The following MAML2 variants were observed in gnomAD, a reference collection of about 807,000 sequenced individuals.
MAML2 encodes mastermind like transcriptional coactivator 2.
In MAML2, 22 loss-of-function variants were observed where a neutral mutation model predicts 96.1. The observed-to-expected ratio is 0.23, with a 90% confidence interval of 0.16 to 0.33. The LOEUF (loss-of-function observed/expected upper bound fraction) is 0.33. Ranked by LOEUF, MAML2 falls within the 10% of genes least tolerant of loss-of-function variation. MAML2 has a pLI of 1.00. For synonymous variants in MAML2, 561 were observed against 521.3 expected (o/e 1.08, Z -1.04); for missense variants, 1,367 against 1,392.4 (o/e 0.98, Z 0.29).
intron 2 of MAML2, among the ~76,000 whole-genome samples, chr11:96,026,792 C>A (rs1858528593): frequency 7.1e-6 from 1 of 140,498 alleles, no homozygotes; most frequent in African/African-American, 2.7e-5. Context: ...ATGAGAAGGA[C>A]TAAGATGGTC....
intron 1 of MAML2, among the ~76,000 whole-genome samples, chr11:96,323,152 T>C (rs1863730235): frequency 6.6e-6 from 1 of 151,602 alleles, no homozygotes; most frequent in Non-Finnish European, 1.5e-5. Context: ...GGAACTTATC[T>C]TATTCACCAC....
chr11:96,169,444 C>A (rs1861246194), intron 1 of MAML2, among the ~76,000 whole-genome samples: 1 of 152,182 alleles, frequency 6.6e-6, no homozygotes. Flanking sequence ...GATGGGCAAC[C>A]CAGGAGGTGG....
At chr11:95,989,379 C>A (rs1857876017) in intron 3 of MAML2, among the ~76,000 whole-genome samples, 1 of 152,224 alleles carries the variant, frequency 6.6e-6, no homozygotes, top group African/African-American at 2.4e-5. Context: ...ACAGTTTATG[C>A]CACTGCCCTT....
chr11:95,979,563 T>C lies in MAML2; in HGVS notation c.2856A>G (p.Thr952=). ...TGTTGGATGTGATCATTACGTTTGA[T>C]GTTCTCTGTGGTGGCATGCTTGCCA... The part of the protein sequence containing the change: ...HSMASMPPQR[T]SNVMITSNTT... The change falls in exon 5 of 5, where the codon ACA becomes ACG. Residue 952 remains threonine, a synonymous_variant. Transcript: ENST00000524717. 1 of 1,613,950 alleles carries C rather than the reference T, an allele frequency of 6.2e-7. No individual in the cohort carries two copies. Among genetic ancestry groups the C allele is most frequent in the Non-Finnish European group, 8.5e-7 (1 of 1,179,882 alleles).
intron 2 of MAML2, among the ~76,000 whole-genome samples, chr11:96,041,533 GGA>G (rs1204096865): frequency 0.012 from 1,826 of 150,358 alleles, 25 homozygotes; most frequent in African/African-American, 0.031. Context: ...AGGGAAGGAA[GGA>G]GGAAGGGAAA....
intron 1 of MAML2, among the ~76,000 whole-genome samples, chr11:96,338,910 C>T (rs1012892207): frequency 1.1e-4 from 17 of 152,124 alleles, no homozygotes; most frequent in African/African-American, 4.1e-4. Flanking sequence ...ATGTAATGGG[C>T]TTGGTGAATC....
chr11:95,991,515 T>G lies in MAML2; in HGVS notation c.2343+5A>C. 6.2e-7 allele frequency: 1 copy of G among 1,613,502 alleles called. No homozygotes were observed. Among genetic ancestry groups the G allele is most frequent in the Non-Finnish European group, 8.5e-7 (1 of 1,179,542 alleles). Reference sequence around the variant, plus strand: ...TGTTCAGTAGAAATTAAGAGAAAGTTTTACCGCGTCAGCCAGCATCTGCTG... The same window carrying G: ...TGTTCAGTAGAAATTAAGAGAAAGTGTTACCGCGTCAGCCAGCATCTGCTG... On this transcript the variant is annotated splice_donor_5th_base_variant and intron_variant, in intron 3 of 4. Transcript: ENST00000524717.
intron 2 of MAML2, among the ~76,000 whole-genome samples, chr11:96,055,334 T>A (rs904860884): frequency 6.6e-6 from 1 of 152,166 alleles, no homozygotes; most frequent in Non-Finnish European, 1.5e-5. Context: ...ATTACTTTAA[T>A]TGCTTTCAGC....
Position 96,166,307 on chromosome 11 carries a change from C to G in MAML2, c.514-72790G>C, listed in dbSNP as rs117771538. ...AAACTCCCAACTGAATTGAGTGAGTCAGTTTTCTGCAAATAGCCAACTGAA... is the reference window on the plus strand; with the variant it reads ...AAACTCCCAACTGAATTGAGTGAGTGAGTTTTCTGCAAATAGCCAACTGAA... On this transcript the variant is annotated intron_variant, in intron 1 of 4. Transcript: ENST00000524717. Among the ~76,000 whole-genome samples the G allele has an allele frequency of 5.7e-4, 87 of 152,152 alleles. No individual in the cohort carries two copies. The East Asian group carries it at 0.017, about 29-fold the overall frequency.
intron 1 of MAML2, among the ~76,000 whole-genome samples, chr11:96,188,472 C>A (rs1861605505): frequency 6.6e-6 from 1 of 152,078 alleles, no homozygotes; most frequent in African/African-American, 2.4e-5. Flanking sequence ...ATGAGAAAAC[C>A]AGTCAACAGA....
At chr11:96,076,629 G>A (rs1028074244) in intron 2 of MAML2, among the ~76,000 whole-genome samples, 1 of 152,150 alleles carries the variant, frequency 6.6e-6, no homozygotes, top group Admixed American at 6.5e-5. Context: ...AGCCTGGGGA[G>A]GTTCTCACAC....
chr11:96,106,506 G>T (rs1308646448), intron 1 of MAML2, among the ~76,000 whole-genome samples: 1 of 152,154 alleles, frequency 6.6e-6, no homozygotes, highest in East Asian at 1.9e-4. Context: ...CTAACTGACT[G>T]CCCCTGATTA....
intron 1 of MAML2, among the ~76,000 whole-genome samples, chr11:96,169,307 G>A (rs968486089): frequency 6.6e-6 from 1 of 152,224 alleles, no homozygotes; most frequent in Non-Finnish European, 1.5e-5. Flanking sequence ...GCACTCAGCT[G>A]TAACAGGAAT....
At chr11:96,031,972 C>A (rs1001408589) in intron 2 of MAML2, among the ~76,000 whole-genome samples, 2 of 151,572 alleles carry the variant, frequency 1.3e-5, no homozygotes, top group African/African-American at 4.9e-5. Context: ...GGTGACAGAG[C>A]GAGACTCTGT....
intron 1 of MAML2, among the ~76,000 whole-genome samples, chr11:96,218,728 CTGACTGGGTAGGT>C (rs1862086772): frequency 6.6e-6 from 1 of 152,064 alleles, no homozygotes; most frequent in Admixed American, 6.6e-5. Context: ...CCTCCAATTC[CTGACTGGGTAGGT>C]TGCCAAATAA....
chr11:96,001,640 C>T (rs1352503524), intron 2 of MAML2, among the ~76,000 whole-genome samples: 1 of 151,250 alleles, frequency 6.6e-6, no homozygotes, highest in Non-Finnish European at 1.5e-5. Flanking sequence ...TCAACCCCCC[C>T]TCACTCCCCA....
chr11:96,124,953 T>G (rs1442290933), intron 1 of MAML2, among the ~76,000 whole-genome samples: 1 of 152,238 alleles, frequency 6.6e-6, no homozygotes, highest in Non-Finnish European at 1.5e-5. Context: ...CATCCACTGG[T>G]AAGAATGAGT....
At chr11:96,034,932 G>T (rs187860260) in intron 2 of MAML2, among the ~76,000 whole-genome samples, 13 of 152,272 alleles carry the variant, frequency 8.5e-5, no homozygotes, top group Admixed American at 4.6e-4. Context: ...ACATGGGGAA[G>T]CATATGGGAG....
chr11:96,270,434 C>T (rs1049947665), intron 1 of MAML2, among the ~76,000 whole-genome samples: 1 of 152,078 alleles, frequency 6.6e-6, no homozygotes, highest in African/African-American at 2.4e-5. Context: ...CTCAGCCTCC[C>T]GAATAGCTGG....
Sources: gnomAD v4.1 joint callset for allele counts (sites outside exome capture counted in the v4.1 genomes callset) on GRCh38, gnomAD v4.1.1 for gene constraint, MANE v1.5 for transcripts, NCBI Gene and HGNC (gene_info 2026-07-23, HGNC 2026-07-21) for gene names.